Variants in PAWR observed in about 807,000 individuals in gnomAD.
The protein encoded by PAWR is PRKC apoptosis WT1 regulator protein.
In PAWR, 23 loss-of-function variants were observed where a neutral mutation model predicts 32.0. That is an observed-to-expected ratio of 0.72 (90% confidence interval 0.52 to 1.02). The LOEUF (loss-of-function observed/expected upper bound fraction) is 1.02. Among genes scored for constraint, PAWR ranks in the 50% least tolerant of loss-of-function variants. The pLI, the probability that PAWR is intolerant of heterozygous loss-of-function variation, is 0.00. For synonymous variants in PAWR, 226 were observed against 187.1 expected (o/e 1.21, Z -1.70); for missense variants, 457 against 437.7 (o/e 1.04, Z -0.39).
chr12:79,625,331 G>C (rs1348664261), intron 2 of PAWR, among the ~76,000 whole-genome samples: 1 of 151,730 alleles, frequency 6.6e-6, no homozygotes, highest in Admixed American at 6.6e-5. Flanking sequence ...AGAAATGAGG[G>C]GGAAAAAAGC....
intron 2 of PAWR, among the ~76,000 whole-genome samples, chr12:79,665,256 C>A (rs1454582965): frequency 6.6e-6 from 1 of 152,168 alleles, no homozygotes; most frequent in East Asian, 1.9e-4. Context: ...CATAACTATT[C>A]TATTAAGTTC....
chr12:79,652,841 T>G (rs1186130140), intron 2 of PAWR, among the ~76,000 whole-genome samples: 1 of 152,204 alleles, frequency 6.6e-6, no homozygotes, highest in Non-Finnish European at 1.5e-5. Context: ...TGAATTCACA[T>G]TTATGTTCTC....
At chr12:79,616,997 G>T (rs1874770559) in intron 3 of PAWR, among the ~76,000 whole-genome samples, 1 of 152,138 alleles carries the variant, frequency 6.6e-6, no homozygotes, top group Non-Finnish European at 1.5e-5. Context: ...ATTCCTTATT[G>T]GTGGATTTGA....
intron 4 of PAWR, among the ~76,000 whole-genome samples, chr12:79,600,648 CTTTT>C (rs1025749975): frequency 2.9e-4 from 30 of 102,356 alleles, no homozygotes; most frequent in African/African-American, 1.2e-3. Context: ...CCATACCTGG[CTTTT>C]TTTTTTTTTT....
chr12:79,611,190 T>C lies in PAWR; in HGVS notation c.683+2385A>G, dbSNP rs566187403. Among the ~76,000 whole-genome samples, 409 of 146,474 alleles carry C rather than the reference T, an allele frequency of 2.8e-3. 1 individual carries two copies. Among genetic ancestry groups the C allele is most frequent in the African/African-American group, 9.4e-3 (382 of 40,530 alleles). On this transcript the variant is annotated intron_variant, in intron 4 of 6. Transcript: ENST00000328827. ...TCTTATAGATATTTATATATAAATC[T>C]TATAGATATTTATATATAAAACTTA...
chr12:79,609,464 G>A (rs991175561), intron 4 of PAWR, among the ~76,000 whole-genome samples: 4 of 152,064 alleles, frequency 2.6e-5, no homozygotes, highest in Non-Finnish European at 5.9e-5. Flanking sequence ...GTGAGAACAT[G>A]CATCCCTGTT....
chr12:79,628,983 T>C (rs1230949175), intron 2 of PAWR, among the ~76,000 whole-genome samples: 3 of 152,074 alleles, frequency 2.0e-5, no homozygotes, highest in African/African-American at 2.4e-5. Flanking sequence ...TATATAGATA[T>C]TTAACCCTAA....
chr12:79,663,587 A>C (rs1447326602), intron 2 of PAWR, among the ~76,000 whole-genome samples: 1 of 152,082 alleles, frequency 6.6e-6, no homozygotes, highest in East Asian at 1.9e-4. Context: ...GCAAAACCCC[A>C]GCTCTACTAA....
At chr12:79,595,537 CTTT>C (rs1565995732) in intron 5 of PAWR, among the ~76,000 whole-genome samples, 1 of 152,174 alleles carries the variant, frequency 6.6e-6, no homozygotes, top group Non-Finnish European at 1.5e-5. Context: ...ATTGTCTAAA[CTTT>C]TTAATTTAAA....
chr12:79,646,718 G>T (rs984487936), intron 2 of PAWR, among the ~76,000 whole-genome samples: 2 of 151,980 alleles, frequency 1.3e-5, no homozygotes, highest in Non-Finnish European at 2.9e-5. Flanking sequence ...TGCCTGAAGC[G>T]GTAAATAGAT....
intron 2 of PAWR, among the ~76,000 whole-genome samples, chr12:79,623,996 CA>C (rs942322254): frequency 1.3e-5 from 2 of 151,926 alleles, no homozygotes; most frequent in Non-Finnish European, 2.9e-5. Flanking sequence ...GTAGGAGAAG[CA>C]AAAGTATGAG....
chr12:79,669,203 G>A (rs763614507), intron 2 of PAWR, among the ~76,000 whole-genome samples: 10 of 152,112 alleles, frequency 6.6e-5, no homozygotes, highest in Non-Finnish European at 1.3e-4. Flanking sequence ...AAAGATTAGG[G>A]ATATAAGACC....
At chr12:79,668,323 G>T (rs1460576039) in intron 2 of PAWR, 2 of 152,262 alleles carry the variant, frequency 1.3e-5, no homozygotes, top group Non-Finnish European at 2.9e-5. Flanking sequence ...AAAGCCACCT[G>T]ATGAAGTGCT....
Position 79,674,429 on chromosome 12 carries a change from T to C in PAWR, c.516+15300A>G, listed in dbSNP as rs565539612. 5.3e-5 allele frequency among the ~76,000 whole-genome samples: 8 copies of C among 150,780 alleles called. No homozygotes were observed. The East Asian group carries it at 1.2e-3, about 22-fold the overall frequency. ...AACTCAAATGGACTAAAGGCTTAAA[T>C]GTAAAACCTGCAACTATGAAAACCC... On this transcript the variant is annotated intron_variant, in intron 2 of 6. Coordinates refer to ENST00000328827, the MANE Select transcript of PAWR (RefSeq NM_002583.4).
chr12:79,675,930 T>C (rs929159213), intron 2 of PAWR, among the ~76,000 whole-genome samples: 5 of 151,922 alleles, frequency 3.3e-5, no homozygotes, highest in African/African-American at 1.2e-4. Context: ...TTTGTTTTGC[T>C]CAGGCTAGTA....
At chr12:79,650,171 T>C (rs1209027518) in intron 2 of PAWR, among the ~76,000 whole-genome samples, 2 of 152,214 alleles carry the variant, frequency 1.3e-5, no homozygotes, top group African/African-American at 2.4e-5. Flanking sequence ...TAATGTAGTG[T>C]GCAACCATTT....
At chr12:79,666,430 C>G (rs1877606273) in intron 2 of PAWR, among the ~76,000 whole-genome samples, 1 of 152,110 alleles carries the variant, frequency 6.6e-6, no homozygotes, top group Non-Finnish European at 1.5e-5. Context: ...AGATCATAGT[C>G]CAAGCACCCC....
At chr12:79,645,065 C>CAA (rs1876508322) in intron 2 of PAWR, among the ~76,000 whole-genome samples, 1 of 151,664 alleles carries the variant, frequency 6.6e-6, no homozygotes, top group South Asian at 2.1e-4. Flanking sequence ...CACACACACA[C>CAA]ACAAAAATCA....
At chr12:79,604,911 A>G (rs972657373) in intron 4 of PAWR, among the ~76,000 whole-genome samples, 2 of 152,190 alleles carry the variant, frequency 1.3e-5, no homozygotes, top group Non-Finnish European at 2.9e-5. Context: ...ATTTTATAAC[A>G]TATTAGTAAA....
Sources: gnomAD v4.1 joint callset for allele counts (sites outside exome capture counted in the v4.1 genomes callset) on GRCh38, gnomAD v4.1.1 for gene constraint, MANE v1.5 for transcripts, NCBI Gene and HGNC (gene_info 2026-07-23, HGNC 2026-07-21) for gene names.